Variants in CA3 observed in about 807,000 individuals in gnomAD.
The protein encoded by CA3 is carbonic anhydrase 3.
In CA3, 30 loss-of-function variants were observed where a neutral mutation model predicts 35.7. The ratio of observed to expected loss-of-function variants is 0.84; its 90% CI spans 0.63 to 1.14. CA3 has a LOEUF of 1.14. Among genes scored for constraint, CA3 ranks in the 50% most tolerant of loss-of-function variants. The probability of loss-of-function intolerance (pLI) is 0.00; values close to 1 mark genes in which losing one functional copy is unlikely to be tolerated. For synonymous variants in CA3, 131 were observed against 130.8 expected, an observed-to-expected ratio of 1.00 and a Z score of -0.01; for missense variants, 295 against 328.5, an observed-to-expected ratio of 0.90 and a Z score of 0.79.
chr8:85,440,930 G>A (rs1488813044), intron 2 of CA3, among the ~76,000 whole-genome samples: 1 of 151,982 alleles, frequency 6.6e-6, no homozygotes, highest in Non-Finnish European at 1.5e-5. Context: ...TATCTATTAG[G>A]TTGAACCATA....
At chr8:85,443,951 A>G (rs772011199) in intron 3 of CA3, 83 bp from the exon 4 acceptor site, 52 of 976,228 alleles carry the variant, frequency 5.3e-5, no homozygotes, top group Non-Finnish European at 8.1e-5. Context: ...AGCCTGTACA[A>G]TGATTGGGTT....
chr8:85,444,150 T>A (rs2130505620), intron 4 of CA3, 24 bp downstream of exon 4: 1 of 1,472,140 alleles, frequency 6.8e-7, no homozygotes, highest in East Asian at 2.3e-5. Flanking sequence ...TGACTATATA[T>A]TTTCTTCCAA....
intron 2 of CA3, among the ~76,000 whole-genome samples, chr8:85,441,047 T>A (rs867045589): frequency 1.3e-5 from 2 of 152,208 alleles, no homozygotes; most frequent in South Asian, 4.1e-4. Flanking sequence ...TTCTGAGTGG[T>A]TGGACAGGAA....
chr8:85,441,842 A>C, intron 2 of CA3: 1 of 507,582 alleles, frequency 2.0e-6, no homozygotes, highest in Non-Finnish European at 3.6e-6. Context: ...TGTTTCAATA[A>C]TAATGAAACA....
At chr8:85,443,013 G>A (rs1228429079) in intron 3 of CA3, among the ~76,000 whole-genome samples, 2 of 152,102 alleles carry the variant, frequency 1.3e-5, no homozygotes, top group Non-Finnish European at 2.9e-5. Flanking sequence ...AGAATATAGT[G>A]CTCTAAAAAT....
intron 2 of CA3, chr8:85,441,760 T>C (rs953263412): frequency 6.3e-6 from 2 of 318,528 alleles, no homozygotes; most frequent in Non-Finnish European, 1.2e-5. Flanking sequence ...CACTACTGAC[T>C]TGTTCTTTGG....
chr8:85,442,464 A>G lies in CA3; in HGVS notation c.351+273A>G, dbSNP rs1811221295. The stretch of plus-strand genomic sequence containing the variant: ...GCAGTGGCTCACACCTGTAATCTCA[A>G]CACTTTGGGAGGCTGAGGCAGGTGG... On this transcript the variant is annotated intron_variant, in intron 3 of 6. Coordinates refer to ENST00000285381, the MANE Select transcript of CA3 (RefSeq NM_005181.4). 4.3e-5 allele frequency: 13 copies of G among 303,792 alleles called. No individual in the cohort carries two copies. The South Asian group carries it at 5.2e-4, about 12-fold the overall frequency. 18.8% of individuals were successfully genotyped at this position (303,792 alleles called of 1,614,324 possible).
In CA3 at chr8:85,448,286, G is replaced by C. The variant is rs1236583620; in HGVS notation, c.*133G>C. On this transcript the variant is annotated 3_prime_UTR_variant, in exon 7 of 7. Transcript: ENST00000285381. ...CTGAGCAATGAATGTGAGAGATGTG[G>C]TCACCAAGATCTAAGTTACTTGTTG... 1.2e-5 allele frequency: 10 copies of C among 851,140 alleles called. No individual in the cohort carries two copies. The East Asian group carries it at 2.9e-4, about 24-fold the overall frequency. 52.7% of individuals were successfully genotyped at this position (851,140 alleles called of 1,614,324 possible).
intron 1 of CA3, among the ~76,000 whole-genome samples, chr8:85,439,151 T>C (rs1369333226): frequency 2.0e-5 from 3 of 152,258 alleles, no homozygotes; most frequent in South Asian, 2.1e-4. Context: ...ATGGAGTTTT[T>C]ATTTCCCTTG....
At chr8:85,442,990 T>TG in intron 3 of CA3, among the ~76,000 whole-genome samples, 1 of 152,326 alleles carries the variant, frequency 6.6e-6, no homozygotes, top group East Asian at 1.9e-4. Flanking sequence ...TGCCCTATAC[T>TG]GCCTATTTTA....
intron 3 of CA3, among the ~76,000 whole-genome samples, chr8:85,442,917 G>A (rs553532954): frequency 2.0e-5 from 3 of 152,144 alleles, no homozygotes; most frequent in South Asian, 2.1e-4. Flanking sequence ...AAAGTCACAC[G>A]GCTGGTGAGT....
intron 4 of CA3, among the ~76,000 whole-genome samples, chr8:85,444,727 G>T (rs1177615158): frequency 6.6e-6 from 1 of 152,200 alleles, no homozygotes; most frequent in Non-Finnish European, 1.5e-5. Context: ...CTCTTTGAAT[G>T]ACCTAATTTG....
chr8:85,447,583 G>A (rs1431030759), intron 6 of CA3, among the ~76,000 whole-genome samples: 1 of 152,150 alleles, frequency 6.6e-6, no homozygotes, highest in African/African-American at 2.4e-5. Flanking sequence ...CAGGTTGTGT[G>A]GTTTGCTTGT....
intron 6 of CA3, among the ~76,000 whole-genome samples, chr8:85,447,574 AGGTTGTGT>A (rs1291821149): frequency 6.6e-6 from 1 of 152,226 alleles, no homozygotes; most frequent in Non-Finnish European, 1.5e-5. Context: ...CACTGGGGAC[AGGTTGTGT>A]GGTTTGCTTG....
intron 1 of CA3, among the ~76,000 whole-genome samples, chr8:85,439,276 G>A (rs1467293676): frequency 6.6e-6 from 1 of 152,144 alleles, no homozygotes; most frequent in Non-Finnish European, 1.5e-5. Flanking sequence ...TACTGGACAA[G>A]CACCTAACCT....
At chr8:85,440,574 G>A (rs1811194382) in intron 2 of CA3, among the ~76,000 whole-genome samples, 1 of 152,176 alleles carries the variant, frequency 6.6e-6, no homozygotes, top group African/African-American at 2.4e-5. Flanking sequence ...ACCTACACTA[G>A]TAAGCAAATC....
At chr8:85,441,460 G>T (rs771403746) in intron 2 of CA3, among the ~76,000 whole-genome samples, 1 of 152,142 alleles carries the variant, frequency 6.6e-6, no homozygotes, top group African/African-American at 2.4e-5. Flanking sequence ...GTTTTTGCTC[G>T]TTGTCTTGAA....
chr8:85,440,878 A>G (rs1050007023), intron 2 of CA3, among the ~76,000 whole-genome samples: 5 of 152,180 alleles, frequency 3.3e-5, no homozygotes, highest in Admixed American at 1.3e-4. Context: ...TTCTCCTTAT[A>G]TATCAAGTAC....
At chr8:85,442,672 C>T (rs536955663) in intron 3 of CA3, among the ~76,000 whole-genome samples, 1 of 152,240 alleles carries the variant, frequency 6.6e-6, no homozygotes, top group South Asian at 2.1e-4. Flanking sequence ...GTGATTGCGC[C>T]ACTTCACTCC....
Sources: gnomAD v4.1 joint callset for allele counts (sites outside exome capture counted in the v4.1 genomes callset) on GRCh38, gnomAD v4.1.1 for gene constraint, MANE v1.5 for transcripts, NCBI Gene and HGNC (gene_info 2026-07-23, HGNC 2026-07-21) for gene names.